KITLG: variants seen among roughly 807,000 people sequenced by gnomAD.
The protein encoded by KITLG is c-Kit ligand.
Under a neutral mutation model 34.1 loss-of-function variants are expected in KITLG, and 13 were observed. That is an observed-to-expected ratio of 0.38 (90% CI 0.25 to 0.61). The LOEUF is 0.61. Among genes scored for constraint, KITLG ranks in the 20% least tolerant of loss-of-function variants. The pLI is 0.60. For missense variants in KITLG, 292 were observed against 318.9 expected (o/e 0.92, Z 0.64); for synonymous variants, 110 against 104.0 (o/e 1.06, Z -0.35).
At chr12:88,500,402 A>G (rs1234238941) in intron 9 of KITLG, among the ~76,000 whole-genome samples, 1 of 152,188 alleles carries the variant, frequency 6.6e-6, no homozygotes, top group Non-Finnish European at 1.5e-5. Context: ...TAACTCTGTA[A>G]ACTTTTAGTT....
Position 88,525,128 on chromosome 12 carries a change from C to T in KITLG, c.193-6261G>A, listed in dbSNP as rs115446812. Among the ~76,000 whole-genome samples the T allele has an allele frequency of 6.4e-3, 977 of 152,238 alleles. 5 individuals carry two copies. Among genetic ancestry groups the T allele is most frequent in the African/African-American group, 0.023 (945 of 41,542 alleles). On this transcript the variant is annotated intron_variant, in intron 3 of 9. Coordinates refer to ENST00000644744, the MANE Select transcript of KITLG (RefSeq NM_000899.5). The stretch of plus-strand genomic sequence containing the variant: ...AAACCTGGCAGCTCTTGGGCAGTTA[C>T]ATTCTACCAAGTGACTGGAACAAAG...
chr12:88,532,409 T>C (rs368072868), intron 3 of KITLG, 32 bp downstream of exon 3: 1 of 1,508,190 alleles, frequency 6.6e-7, no homozygotes, highest in Non-Finnish European at 9.2e-7. Context: ...TATGAGCTAC[T>C]AAAATGAAAC....
intron 1 of KITLG, among the ~76,000 whole-genome samples, chr12:88,560,187 A>G (rs901505237): frequency 1.3e-5 from 2 of 152,242 alleles, no homozygotes; most frequent in Non-Finnish European, 2.9e-5. Context: ...TGGCAGATCT[A>G]TGAGAACATT....
intron 6 of KITLG, among the ~76,000 whole-genome samples, chr12:88,514,838 T>A (rs1869401345): frequency 1.3e-5 from 2 of 151,720 alleles, no homozygotes; most frequent in Admixed American, 1.3e-4. Flanking sequence ...AAGGGATGAC[T>A]TTTTTAGCCT....
At chr12:88,531,187 T>C (rs1209112936) in intron 3 of KITLG, among the ~76,000 whole-genome samples, 2 of 152,176 alleles carry the variant, frequency 1.3e-5, no homozygotes, top group African/African-American at 4.8e-5. Flanking sequence ...ATGTCTTATG[T>C]ATGGGTGCAT....
At chr12:88,550,816 A>G (rs1870887926) in intron 1 of KITLG, among the ~76,000 whole-genome samples, 1 of 152,234 alleles carries the variant, frequency 6.6e-6, no homozygotes, top group African/African-American at 2.4e-5. Context: ...TATGGAGACA[A>G]GTCTGTTCCA....
At chr12:88,504,251 T>G (rs1279857773) in intron 9 of KITLG, among the ~76,000 whole-genome samples, 1 of 152,160 alleles carries the variant, frequency 6.6e-6, no homozygotes, top group Non-Finnish European at 1.5e-5. Flanking sequence ...TACTGACATC[T>G]GCTTGATAGA....
chr12:88,540,407 TA>T (rs1218907762), intron 2 of KITLG, among the ~76,000 whole-genome samples: 13 of 152,146 alleles, frequency 8.5e-5, no homozygotes. Flanking sequence ...TATACTGGGC[TA>T]AAAATAGTTA....
At chr12:88,515,655 G>T (rs1424192959) in intron 5 of KITLG, 38 bp from the exon 6 acceptor site, 1 of 1,451,528 alleles carries the variant, frequency 6.9e-7, no homozygotes, top group African/African-American at 1.4e-5. Context: ...GTTATATGGT[G>T]ATTTGTATGA....
At chr12:88,564,600 T>A (rs943689080) in intron 1 of KITLG, among the ~76,000 whole-genome samples, 1 of 152,236 alleles carries the variant, frequency 6.6e-6, no homozygotes. Context: ...CTCTTCTTTA[T>A]GGTCCTTTTT....
intron 3 of KITLG, among the ~76,000 whole-genome samples, chr12:88,523,706 A>G (rs1869765517): frequency 6.6e-6 from 1 of 152,198 alleles, no homozygotes; most frequent in Non-Finnish European, 1.5e-5. Flanking sequence ...AGTTTCCTAT[A>G]AAAGCACTTT....
chr12:88,574,375 A>C (rs1041229960), intron 1 of KITLG, among the ~76,000 whole-genome samples: 2 of 152,188 alleles, frequency 1.3e-5, no homozygotes, highest in Non-Finnish European at 2.9e-5. Context: ...GAGGTAAGCA[A>C]GCACTGTTCC....
chr12:88,501,857 T>C (rs1868872052), intron 9 of KITLG, among the ~76,000 whole-genome samples: 1 of 152,164 alleles, frequency 6.6e-6, no homozygotes, highest in African/African-American at 2.4e-5. Context: ...AAATAGTTAT[T>C]CATCATTTAT....
At chr12:88,564,582 GTT>G (rs1871386766) in intron 1 of KITLG, among the ~76,000 whole-genome samples, 2 of 152,132 alleles carry the variant, frequency 1.3e-5, no homozygotes, top group South Asian at 2.1e-4. Flanking sequence ...CCATTTGTGT[GTT>G]ATCTCCTCTT....
chr12:88,520,580 G>A (rs145210979), intron 3 of KITLG, among the ~76,000 whole-genome samples: 2,153 of 152,148 alleles, frequency 0.014, 28 homozygotes, highest in Non-Finnish European at 0.022. Flanking sequence ...TAGGATCTCT[G>A]GCAAGTAAGA....
At position 88,569,174 on chromosome 12, in the gene KITLG, G is replaced by A. The variant is rs139730632; in HGVS notation, c.15+11090C>T. Among the ~76,000 whole-genome samples the A allele has an allele frequency of 5.9e-5, 9 of 152,248 alleles. No homozygotes were observed. In the East Asian group the frequency reaches 1.7e-3, roughly 29 times the overall value. ...GGTAAAGCAAAGAGCTTGGGAATGC[G>A]AGCTCTGAATCCGAATCTGTTTCAT... On this transcript the variant is annotated intron_variant, in intron 1 of 9. Transcript: ENST00000644744.
In KITLG at chr12:88,540,717, C is replaced by T. The variant is rs182957995; in HGVS notation, c.129+5035G>A. ...TTCTATAAAGGAAGAACAATGTTTT[C>T]CTAACAATAAGACTCATATGCTTGA... On this transcript the variant is annotated intron_variant, in intron 2 of 9. Transcript: ENST00000644744. Among the ~76,000 whole-genome samples the T allele has an allele frequency of 1.5e-3, 235 of 152,130 alleles. 1 individual carries two copies. Among genetic ancestry groups the T allele is most frequent in the African/African-American group, 5.4e-3 (224 of 41,520 alleles).
intron 1 of KITLG, among the ~76,000 whole-genome samples, chr12:88,571,354 C>T (rs1871644797): frequency 6.6e-6 from 1 of 152,090 alleles, no homozygotes; most frequent in African/African-American, 2.4e-5. Context: ...AAGTGAAGTT[C>T]AAAGAGAAAA....
intron 9 of KITLG, among the ~76,000 whole-genome samples, chr12:88,503,664 C>T (rs1047336441): frequency 3.3e-5 from 5 of 152,092 alleles, no homozygotes; most frequent in South Asian, 2.1e-4. Flanking sequence ...AGAAAGCAGA[C>T]GGGACAGGAG....
Sources: gnomAD v4.1 joint callset for allele counts (sites outside exome capture counted in the v4.1 genomes callset) on GRCh38, gnomAD v4.1.1 for gene constraint, MANE v1.5 for transcripts, NCBI Gene and HGNC (gene_info 2026-07-23, HGNC 2026-07-21) for gene names.